MYZAP: variants seen among roughly 807,000 people sequenced by gnomAD.
MYZAP encodes the protein GRINL1A complex locus upstream.
Under a neutral mutation model 69.4 loss-of-function variants are expected in MYZAP, and 66 were observed. The observed-to-expected ratio is 0.95, with a 90% CI of 0.78 to 1.17. The LOEUF (loss-of-function observed/expected upper bound fraction) is 1.17. Among genes scored for constraint, MYZAP ranks in the 50% most tolerant of loss-of-function variants. The probability of loss-of-function intolerance (pLI) is 0.00; values close to 1 mark genes in which losing one functional copy is unlikely to be tolerated. For synonymous variants in MYZAP, 256 were observed against 205.9 expected (o/e 1.24, Z -2.09); for missense variants, 611 against 556.2 (o/e 1.10, Z -0.99).
chr15:57,625,169 G>T (rs1224292433), intron 4 of MYZAP, among the ~76,000 whole-genome samples: 1 of 151,792 alleles, frequency 6.6e-6, no homozygotes, highest in East Asian at 1.9e-4. Flanking sequence ...AGCCTCCGGG[G>T]TTCAAGCGAT....
chr15:57,651,769 G>A (rs1329858518), intron 10 of MYZAP, among the ~76,000 whole-genome samples: 2 of 152,190 alleles, frequency 1.3e-5, no homozygotes, highest in East Asian at 1.9e-4. Flanking sequence ...GTTCCTGGTA[G>A]CTTGCATGCT....
intron 10 of MYZAP, among the ~76,000 whole-genome samples, chr15:57,649,328 A>G (rs1440156427): frequency 6.6e-6 from 1 of 152,196 alleles, no homozygotes; most frequent in Non-Finnish European, 1.5e-5. Flanking sequence ...CACATGTGAG[A>G]GGGCAGATTT....
intron 2 of MYZAP, among the ~76,000 whole-genome samples, chr15:57,604,787 G>A (rs1302306897): frequency 6.6e-6 from 1 of 152,260 alleles, no homozygotes; most frequent in Non-Finnish European, 1.5e-5. Context: ...AAGGCTGGCA[G>A]GCAGGCTGGT....
In MYZAP at chr15:57,667,991, T is replaced by C. The variant is rs76925525; in HGVS notation, c.1203+6458T>C. ...GTCACTTTTTATCACTTTTGGTCAC[T>C]ATGGATTTCCATTTAGTGGGAATCC... On this transcript the variant is annotated intron_variant, in intron 11 of 12. Coordinates refer to ENST00000267853, the MANE Select transcript of MYZAP (RefSeq NM_001018100.5). 9.8e-4 allele frequency among the ~76,000 whole-genome samples: 150 copies of C among 152,312 alleles called. 1 individual carries two copies. Among genetic ancestry groups the C allele is most frequent in the Non-Finnish European group, 1.7e-3 (114 of 68,022 alleles).
At chr15:57,625,117 G>A (rs1726174584) in intron 4 of MYZAP, among the ~76,000 whole-genome samples, 1 of 151,498 alleles carries the variant, frequency 6.6e-6, no homozygotes, top group South Asian at 2.1e-4. Context: ...GAGTGCAATG[G>A]CGCCATCTCA....
At chr15:57,600,650 A>C (rs1455093498) in intron 1 of MYZAP, among the ~76,000 whole-genome samples, 1 of 152,244 alleles carries the variant, frequency 6.6e-6, no homozygotes, top group Non-Finnish European at 1.5e-5. Context: ...ATAATCAACC[A>C]ACCGAAAGTC....
At chr15:57,610,293 C>T (rs1264797534) in intron 2 of MYZAP, among the ~76,000 whole-genome samples, 1 of 152,094 alleles carries the variant, frequency 6.6e-6, no homozygotes, top group Admixed American at 6.5e-5. Flanking sequence ...AGGAGGAAGT[C>T]CTTGCCAGTA....
chr15:57,654,002 CAAAA>C (rs398043344), intron 10 of MYZAP, among the ~76,000 whole-genome samples: 208 of 36,054 alleles, frequency 5.8e-3, no homozygotes, highest in Non-Finnish European at 7.1e-3. Flanking sequence ...CAAACGCTGT[CAAAA>C]AAAAAAAAAA....
At chr15:57,643,741 G>GTTTTTTTTTTTT (rs76647740) in intron 10 of MYZAP, among the ~76,000 whole-genome samples, 1 of 136,332 alleles carries the variant, frequency 7.3e-6, no homozygotes. Flanking sequence ...TTTTTTTTTT[G>GTTTTTTTTTTTT]TTTTTTTTTT....
chr15:57,623,597 G>A (rs1310191142), intron 4 of MYZAP, among the ~76,000 whole-genome samples: 2 of 152,076 alleles, frequency 1.3e-5, no homozygotes, highest in Non-Finnish European at 2.9e-5. Context: ...GCCGGGCATG[G>A]TGGTGCAGGC....
At chr15:57,594,719 C>T (rs2033943170) in intron 1 of MYZAP, among the ~76,000 whole-genome samples, 1 of 152,142 alleles carries the variant, frequency 6.6e-6, no homozygotes, top group African/African-American at 2.4e-5. Flanking sequence ...GAGTGCATCT[C>T]CACGGTTAAG....
chr15:57,641,822 GA>G (rs1416068063), intron 10 of MYZAP, among the ~76,000 whole-genome samples: 1 of 152,166 alleles, frequency 6.6e-6, no homozygotes, highest in African/African-American at 2.4e-5. Flanking sequence ...TTAAAAGTTA[GA>G]AACATGGTCA....
chr15:57,684,503 T>C lies in MYZAP; in HGVS notation c.*5T>C. On this transcript the variant is annotated 3_prime_UTR_variant, in exon 13 of 13. Coordinates refer to ENST00000267853, the MANE Select transcript of MYZAP (RefSeq NM_001018100.5). The stretch of plus-strand genomic sequence containing the variant: ...ATGAAGAAAACTCTGACTTAGGCAC[T>C]CAGAGGCATACACTTTTTACAGATG... 1.9e-6 allele frequency: 3 copies of C among 1,577,510 alleles called. No individual in the cohort carries two copies. Among genetic ancestry groups the C allele is most frequent in the Non-Finnish European group, 8.7e-7 (1 of 1,149,880 alleles).
intron 10 of MYZAP, among the ~76,000 whole-genome samples, chr15:57,654,669 G>A (rs2037920411): frequency 6.6e-6 from 1 of 152,136 alleles, no homozygotes; most frequent in Non-Finnish European, 1.5e-5. Flanking sequence ...TGACTACAAT[G>A]CTACAGCCAT....
intron 2 of MYZAP, among the ~76,000 whole-genome samples, chr15:57,612,766 G>A (rs1191636826): frequency 4.6e-5 from 7 of 152,142 alleles, no homozygotes; most frequent in Non-Finnish European, 8.8e-5. Flanking sequence ...TCTTTAGGGA[G>A]GTCAGCCATA....
chr15:57,629,088 C>CAAAAAAAA (rs1274144448), intron 5 of MYZAP, among the ~76,000 whole-genome samples: 41 of 115,004 alleles, frequency 3.6e-4, no homozygotes, highest in Middle Eastern at 5.4e-3. Context: ...GTCTCAAAAA[C>CAAAAAAAA]AAAAAAAAAA....
chr15:57,645,819 G>C (rs745757250), intron 10 of MYZAP, among the ~76,000 whole-genome samples: 48 of 152,126 alleles, frequency 3.2e-4, no homozygotes, highest in Non-Finnish European at 6.5e-4. Context: ...TTTGTGCTCT[G>C]TGCTGTTTTC....
At chr15:57,594,493 G>A (rs1340847620) in intron 1 of MYZAP, among the ~76,000 whole-genome samples, 1 of 152,180 alleles carries the variant, frequency 6.6e-6, no homozygotes, top group African/African-American at 2.4e-5. Flanking sequence ...ATACTGAAAG[G>A]AGGAAATAAC....
chr15:57,648,861 G>A (rs2037584662), intron 10 of MYZAP, among the ~76,000 whole-genome samples: 1 of 145,840 alleles, frequency 6.9e-6, no homozygotes. Context: ...CCCTGATTCT[G>A]TTCCTTTTCC....
Sources: gnomAD v4.1 joint callset for allele counts (sites outside exome capture counted in the v4.1 genomes callset) on GRCh38, gnomAD v4.1.1 for gene constraint, MANE v1.5 for transcripts, NCBI Gene and HGNC (gene_info 2026-07-23, HGNC 2026-07-21) for gene names.